The following ZSCAN25 variants were observed in gnomAD, a reference collection of about 807,000 sequenced individuals.
ZSCAN25 encodes the protein zinc finger and SCAN domain-containing protein 25.
In ZSCAN25, 27 loss-of-function variants were observed where a neutral mutation model predicts 38.7. That is an observed-to-expected ratio of 0.70 (90% confidence interval 0.51 to 0.96). The LOEUF is 0.96. ZSCAN25 is among the 40% of genes least tolerant of loss of function. The probability of loss-of-function intolerance (pLI) is 0.00; values close to 1 mark genes in which losing one functional copy is unlikely to be tolerated. For synonymous variants in ZSCAN25, 273 were observed against 277.7 expected, an observed-to-expected ratio of 0.98 and a Z score of 0.17; for missense variants, 637 against 705.9, an observed-to-expected ratio of 0.90 and a Z score of 1.11.
chr7:99,663,918 T>G, the ZSCAN25 span: 2 of 1,546,206 alleles, frequency 1.3e-6, no homozygotes, highest in South Asian at 2.5e-5. Flanking sequence ...GTATAAAATC[T>G]AAATTTATCA....
the ZSCAN25 span, among the ~76,000 whole-genome samples, chr7:99,698,132 A>C: frequency 2.0e-5 from 3 of 152,240 alleles, no homozygotes; most frequent in South Asian, 4.1e-4. Flanking sequence ...CAGAAAAGCC[A>C]GTCATCTATT....
chr7:99,641,106 G>A, the ZSCAN25 span, among the ~76,000 whole-genome samples: 487 of 152,228 alleles, frequency 3.2e-3, 1 homozygote, highest in African/African-American at 0.011. Context: ...TAGAATCTTC[G>A]TTTACCTCCT....
the ZSCAN25 span, chr7:99,650,025 C>G: frequency 6.2e-7 from 1 of 1,600,852 alleles, no homozygotes; most frequent in Non-Finnish European, 8.5e-7. Context: ...AAATATATAC[C>G]CTTCAGTTAA....
chr7:99,632,998 T>G (rs1475805762), downstream of ZSCAN25, among the ~76,000 whole-genome samples: 1 of 150,784 alleles, frequency 6.6e-6, no homozygotes, highest in East Asian at 2.0e-4. Flanking sequence ...TGTTTTTTTT[T>G]TTTTTGAGCT....
At chr7:99,650,326 C>T in the ZSCAN25 span, 2 of 1,154,366 alleles carry the variant, frequency 1.7e-6, no homozygotes, top group Non-Finnish European at 2.5e-6. Context: ...CCCCCCTCCA[C>T]CTCCCAACCA....
the ZSCAN25 span, among the ~76,000 whole-genome samples, chr7:99,690,916 C>T: frequency 6.6e-6 from 1 of 152,102 alleles, no homozygotes; most frequent in Non-Finnish European, 1.5e-5. Context: ...CTAGGAATAC[C>T]ATTTGACCCA....
downstream of ZSCAN25, among the ~76,000 whole-genome samples, chr7:99,632,721 T>C (rs1294358570): frequency 2.6e-5 from 4 of 152,170 alleles, no homozygotes. Context: ...CCCCAAGAGG[T>C]TGAGGTTGCA....
chr7:99,723,561 T>C, the ZSCAN25 span, among the ~76,000 whole-genome samples: 1 of 152,160 alleles, frequency 6.6e-6, no homozygotes, highest in Non-Finnish European at 1.5e-5. Context: ...TCTCTTCACA[T>C]GGACGCAAAT....
chr7:99,717,662 T>G, the ZSCAN25 span: 2 of 1,612,426 alleles, frequency 1.2e-6, no homozygotes, highest in Non-Finnish European at 1.7e-6. Flanking sequence ...GCAGAAAGAT[T>G]TTGTCCTACA....
the ZSCAN25 span, chr7:99,722,351 G>A: frequency 6.2e-7 from 1 of 1,613,370 alleles, no homozygotes; most frequent in Non-Finnish European, 8.5e-7. Flanking sequence ...CAATAGCCCT[G>A]GGAGGAGAAA....
the ZSCAN25 span, among the ~76,000 whole-genome samples, chr7:99,709,857 A>G: frequency 1.3e-5 from 2 of 152,172 alleles, no homozygotes; most frequent in Non-Finnish European, 2.9e-5. Flanking sequence ...GTGGAGAGAA[A>G]CACTATATTA....
chr7:99,699,138 T>C, the ZSCAN25 span, among the ~76,000 whole-genome samples: 1 of 152,200 alleles, frequency 6.6e-6, no homozygotes, highest in Admixed American at 6.5e-5. Flanking sequence ...CAAATTGGCT[T>C]TCACAGCTCC....
the ZSCAN25 span, chr7:99,676,262 G>C: frequency 8.1e-6 from 13 of 1,609,616 alleles, no homozygotes; most frequent in African/African-American, 1.6e-4. Flanking sequence ...ATAGATCAGA[G>C]GGCTGGTGAG....
the ZSCAN25 span, chr7:99,674,585 C>A: frequency 1.2e-6 from 2 of 1,612,516 alleles, no homozygotes; most frequent in Non-Finnish European, 1.7e-6. Context: ...TTCCAGAGAC[C>A]CTGGGAGAGG....
chr7:99,641,765 C>T, the ZSCAN25 span, among the ~76,000 whole-genome samples: 1 of 152,210 alleles, frequency 6.6e-6, no homozygotes, highest in African/African-American at 2.4e-5. Flanking sequence ...TCCTGTTGGC[C>T]CTACTTTCAA....
downstream of ZSCAN25, among the ~76,000 whole-genome samples, chr7:99,633,234 G>A (rs1194508121): frequency 2.0e-5 from 3 of 152,194 alleles, no homozygotes; most frequent in Non-Finnish European, 4.4e-5. Context: ...AAATGTAGAA[G>A]TGTTTAGTGG....
chr7:99,655,378 C>T, the ZSCAN25 span, among the ~76,000 whole-genome samples: 1 of 152,168 alleles, frequency 6.6e-6, no homozygotes. Flanking sequence ...TGTCAAAGAT[C>T]AGATGGTTGT....
chr7:99,710,177 G>A, the ZSCAN25 span, among the ~76,000 whole-genome samples: 1 of 152,222 alleles, frequency 6.6e-6, no homozygotes, highest in African/African-American at 2.4e-5. Flanking sequence ...TCTGAAAACA[G>A]TGTGGTTGAT....
At chr7:99,666,866 C>A in the ZSCAN25 span, 1 of 1,592,002 alleles carries the variant, frequency 6.3e-7, no homozygotes, top group Non-Finnish European at 8.6e-7. Context: ...TGGACTACCC[C>A]TTGGAAACGG....
Sources: allele counts gnomAD v4.1 joint callset (sites outside exome capture counted in the v4.1 genomes callset), GRCh38; gene constraint gnomAD v4.1.1; transcripts MANE v1.5; gene names NCBI Gene and HGNC (gene_info 2026-07-23, HGNC 2026-07-21).